Variants in SP6 observed in about 807,000 individuals in gnomAD.
SP6 encodes the protein Sp6 transcription factor, also known as transcription factor Sp6.
In SP6, 10 loss-of-function variants were observed where a neutral mutation model predicts 23.4. That is an observed-to-expected ratio of 0.43 (90% CI 0.26 to 0.72). SP6 has a LOEUF of 0.72. SP6 is among the 30% of genes least tolerant of loss of function. The pLI, the probability that SP6 is intolerant of heterozygous loss-of-function variation, is 0.23. For missense variants in SP6, 482 were observed against 523.8 expected (o/e 0.92, Z 0.78); for synonymous variants, 238 against 238.7 (o/e 1.00, Z 0.03).
At chr17:47,852,543 T>G (rs1286480284), upstream of SP6, among the ~76,000 whole-genome samples, 1 of 152,188 alleles carries the variant, frequency 6.6e-6, no homozygotes, top group Non-Finnish European at 1.5e-5. Flanking sequence ...ACAGTCGATT[T>G]CATACTTGAA....
the SP6 span, among the ~76,000 whole-genome samples, chr17:47,868,423 G>A: frequency 6.6e-6 from 1 of 152,204 alleles, no homozygotes; most frequent in East Asian, 1.9e-4. Flanking sequence ...GTACCATGGG[G>A]ACGACCCAAG....
intron 1 of SP6, among the ~76,000 whole-genome samples, chr17:47,849,800 C>T (rs747810480): frequency 2.0e-5 from 3 of 152,236 alleles, no homozygotes; most frequent in Non-Finnish European, 4.4e-5. Context: ...CTTTTCTCAC[C>T]ACCTCTCCCT....
At position 47,847,075 on chromosome 17, in the gene SP6, GGCATT is replaced by G. The variant is rs1415066224; in HGVS notation, c.*219_*223del. 1.8e-6 allele frequency: 1 copy of G among 570,036 alleles called. No individual in the cohort carries two copies. Among genetic ancestry groups the G allele is most frequent in the African/African-American group, 1.9e-5 (1 of 52,788 alleles). 35.3% of individuals were successfully genotyped at this position (570,036 alleles called of 1,614,324 possible). A position where few individuals can be genotyped will look rare whatever the true frequency, so the allele number is the denominator to read the frequency against. ...ACTGTGAGGCAGGGGAGAACAGAGGGGCATTGCGCAGCTCCTACCGACCCAGTCAA... is the reference window on the plus strand; with the variant it reads ...ACTGTGAGGCAGGGGAGAACAGAGGGGCGCAGCTCCTACCGACCCAGTCAA... On this transcript the variant is annotated 3_prime_UTR_variant, in exon 2 of 2. Transcript: ENST00000536300.
the SP6 span, among the ~76,000 whole-genome samples, chr17:47,867,082 C>T: frequency 2.0e-5 from 3 of 152,322 alleles, no homozygotes; most frequent in South Asian, 4.1e-4. Context: ...ACACACCCAT[C>T]GCTGACGTAC....
the SP6 span, among the ~76,000 whole-genome samples, chr17:47,862,531 G>A: frequency 2.0e-5 from 3 of 147,974 alleles, no homozygotes; most frequent in African/African-American, 5.2e-5. Flanking sequence ...AAAAAAAAAG[G>A]TAAAGCACCC....
At chr17:47,873,090 G>C in the SP6 span, among the ~76,000 whole-genome samples, 1 of 152,222 alleles carries the variant, frequency 6.6e-6, no homozygotes. Context: ...CAGAGCTCTG[G>C]CCTAGACCTG....
At chr17:47,863,296 G>C in the SP6 span, 3 of 152,220 alleles carry the variant, frequency 2.0e-5, no homozygotes, top group Non-Finnish European at 4.4e-5. Context: ...GCATGTGCTT[G>C]GTACAGCCTC....
the SP6 span, among the ~76,000 whole-genome samples, chr17:47,868,611 C>T: frequency 1.3e-5 from 2 of 152,214 alleles, no homozygotes; most frequent in Non-Finnish European, 2.9e-5. Flanking sequence ...CTCCTAATGC[C>T]AGCCAGACCC....
the SP6 span, among the ~76,000 whole-genome samples, chr17:47,861,307 A>G: frequency 1.9e-4 from 29 of 152,180 alleles, no homozygotes; most frequent in East Asian, 4.4e-3. Context: ...CCCTGATCCT[A>G]CCACCCACAG....
Position 47,847,571 on chromosome 17 carries a change from T to A in SP6, c.859A>T (p.Asn287Tyr). Residue 287 changes from asparagine (N) to tyrosine (Y), a missense_variant, in exon 2 of 2, where the codon AAC (asparagine) becomes TAC (tyrosine). This residue lies in a region of SP6 where 51 missense variants were observed against 92.1 expected (regional missense o/e 0.55). Transcript: ENST00000536300. The part of the protein sequence containing the change: ...WHSGDRPFVC[N>Y]WLFCGKRFTR... ...AAGCGCTTGCCGCAGAAGAGCCAGT[T>A]GCACACGAAGGGACGGTCGCCGCTG... 1 of 1,613,754 alleles carries A rather than the reference T, an allele frequency of 6.2e-7. No individual in the cohort carries two copies. Among genetic ancestry groups the A allele is most frequent in the Non-Finnish European group, 8.5e-7 (1 of 1,179,960 alleles).
At chr17:47,870,791 G>A in the SP6 span, among the ~76,000 whole-genome samples, 6 of 152,102 alleles carry the variant, frequency 3.9e-5, no homozygotes, top group Admixed American at 6.6e-5. Flanking sequence ...AAACTCTGCC[G>A]GTTTTGTGTG....
At chr17:47,874,909 C>T in the SP6 span, among the ~76,000 whole-genome samples, 1 of 152,122 alleles carries the variant, frequency 6.6e-6, no homozygotes, top group African/African-American at 2.4e-5. Context: ...GACTCTGCCC[C>T]CTCCACCTGC....
chr17:47,855,986 G>A (rs560131025), upstream of SP6: 1 of 152,350 alleles, frequency 6.6e-6, no homozygotes, highest in African/African-American at 2.4e-5. Context: ...GGTTCTTGCA[G>A]GATGGAGGAA....
At position 47,847,376 on chromosome 17, in the gene SP6, T is replaced by C; in HGVS notation, c.1054A>G (p.Lys352Glu). 3 of 1,611,532 alleles carry C rather than the reference T, an allele frequency of 1.9e-6. No homozygotes were observed. The highest frequency in any genetic ancestry group is 2.5e-6 in the Non-Finnish European group (3 of 1,179,146). Residue 352 changes from lysine to glutamate, a missense_variant, in exon 2 of 2, where the codon AAG becomes GAG. Around this residue, in one of 3 missense-constraint regions of SP6, gnomAD observed 101 missense variants for 99.3 expected, o/e 1.02. Transcript: ENST00000536300. ...GGGGGCTCCACTGCGCCGCCGGCCT[T>C]GCCCTCTCCCGAGGCCGCCCCAGCC... ...EAAGAASGEG[K>E]AGGAVEPPGG...
At chr17:47,852,262 C>G (rs1204390992), upstream of SP6, among the ~76,000 whole-genome samples, 1 of 152,120 alleles carries the variant, frequency 6.6e-6, no homozygotes, top group Non-Finnish European at 1.5e-5. Context: ...GCGGAGCTCA[C>G]AAAAACTTCC....
In SP6 at chr17:47,848,018, C is replaced by A; in HGVS notation, c.412G>T (p.Ala138Ser). 6.2e-7 allele frequency: 1 copy of A among 1,609,402 alleles called. No individual in the cohort carries two copies. Among genetic ancestry groups the A allele is most frequent in the Non-Finnish European group, 8.5e-7 (1 of 1,178,314 alleles). Residue 138 changes from alanine to serine, a missense_variant, in exon 2 of 2, where the codon GCG becomes TCG. This residue lies in a region of SP6 where 330 missense variants were observed against 332.3 expected (regional missense o/e 0.99). Coordinates refer to ENST00000536300, the MANE Select transcript of SP6 (RefSeq NM_001258248.2). This position sits in a 1 kb window ranked among gnomAD's most constrained non-coding sequence, Gnocchi z 5.3. The part of the protein sequence containing the change: ...SWMDLPHTQG[A>S]LTSPGHPGAL... The stretch of plus-strand genomic sequence containing the variant: ...CCCGGGTGGCCAGGTGAGGTCAGCG[C>A]GCCCTGAGTGTGGGGGAGGTCCATC...
Position 47,847,550 on chromosome 17 carries a change from G to A in SP6, c.880C>T (p.Arg294Cys), listed in dbSNP as rs1303186449. ...TGCAGCTCGTCCGAGCGCGTGAAGC[G>A]CTTGCCGCAGAAGAGCCAGTTGCAC... Reference protein sequence around the residue: ...FVCNWLFCGKRFTRSDELQRH... With the variant: ...FVCNWLFCGKCFTRSDELQRH... Residue 294 changes from arginine (R) to cysteine (C), a missense_variant, in exon 2 of 2, where the codon CGC becomes TGC. This residue lies in a region of SP6 where 51 missense variants were observed against 92.1 expected (regional missense o/e 0.55). Transcript: ENST00000536300. The A allele has an allele frequency of 6.2e-7, 1 of 1,613,722 alleles. No individual in the cohort carries two copies. Among genetic ancestry groups the A allele is most frequent in the Non-Finnish European group, 8.5e-7 (1 of 1,179,962 alleles).
upstream of SP6, among the ~76,000 whole-genome samples, chr17:47,856,758 C>G (rs995630606): frequency 9.9e-5 from 15 of 152,020 alleles, no homozygotes; most frequent in African/African-American, 3.6e-4. Context: ...GGATGACATC[C>G]TGTTTTTGAC....
At chr17:47,857,444 C>T (rs530244098), upstream of SP6, among the ~76,000 whole-genome samples, 2 of 152,296 alleles carry the variant, frequency 1.3e-5, no homozygotes, top group East Asian at 1.9e-4. Context: ...TTCTTTCAAT[C>T]GGTTCCATAT....
Sources: allele counts gnomAD v4.1 joint callset (sites outside exome capture counted in the v4.1 genomes callset), GRCh38; gene constraint gnomAD v4.1.1; regional missense constraint gnomAD v4.1.1; non-coding constraint Gnocchi (gnomAD v3.1); transcripts MANE v1.5; gene names NCBI Gene and HGNC (gene_info 2026-07-23, HGNC 2026-07-21).